ZNF235: variants seen among roughly 807,000 people sequenced by gnomAD.
The protein encoded by ZNF235 is zfp-93.
ZNF235 carries 25 observed loss-of-function variants against 29.4 expected under a neutral mutation model. That is an observed-to-expected ratio of 0.85 (90% CI 0.62 to 1.19). The LOEUF is 1.19. Among genes scored for constraint, ZNF235 ranks in the 50% most tolerant of loss-of-function variants. The pLI, the probability that ZNF235 is intolerant of heterozygous loss-of-function variation, is 0.00. For missense variants in ZNF235, 788 were observed against 885.0 expected, an observed-to-expected ratio of 0.89 and a Z score of 1.39; for synonymous variants, 300 against 295.3, an observed-to-expected ratio of 1.02 and a Z score of -0.16.
Position 44,286,881 on chromosome 19 carries a change from T to C in ZNF235, c.*337A>G. The C allele has an allele frequency of 4.8e-6, 1 of 208,512 alleles. No homozygotes were observed. The highest frequency in any genetic ancestry group is 5.2e-5 in the Admixed American group (1 of 19,244). The allele number at this position is 208,512 out of a possible 1,614,324, so 12.9% of individuals were successfully genotyped here. A position where few individuals can be genotyped will look rare whatever the true frequency, so the allele number is the denominator to read the frequency against. On this transcript the variant is annotated 3_prime_UTR_variant, in exon 5 of 5. Transcript: ENST00000291182. ...TTTTAGTTGACATCCATTTTTTCTG[T>C]CAATCATACTTTTGTTAAAGGAAGG...
At chr19:44,301,602 C>A (rs989230752) in intron 2 of ZNF235, among the ~76,000 whole-genome samples, 4 of 152,110 alleles carry the variant, frequency 2.6e-5, no homozygotes, top group Non-Finnish European at 5.9e-5. Flanking sequence ...ACATGAGTAG[C>A]TGGGCTTACA....
intron 2 of ZNF235, 110 bp from the exon 3 acceptor site, chr19:44,299,842 A>C: frequency 1.9e-6 from 3 of 1,546,522 alleles, no homozygotes; most frequent in Non-Finnish European, 1.8e-6. Flanking sequence ...CACACCAAAA[A>C]TGCTAGGGGG....
intron 2 of ZNF235, among the ~76,000 whole-genome samples, chr19:44,299,960 T>C (rs958834500): frequency 2.0e-5 from 3 of 152,236 alleles, no homozygotes; most frequent in Non-Finnish European, 4.4e-5. Context: ...ATTTGACTGA[T>C]AGCACCAAAT....
chr19:44,287,213 C>A lies in ZNF235; in HGVS notation c.*5G>T. 6.3e-7 allele frequency: 1 copy of A among 1,579,346 alleles called. No individual in the cohort carries two copies. The highest frequency in any genetic ancestry group is 8.6e-7 in the Non-Finnish European group (1 of 1,160,968). On this transcript the variant is annotated 3_prime_UTR_variant, in exon 5 of 5. Coordinates refer to ENST00000291182, the MANE Select transcript of ZNF235 (RefSeq NM_004234.4). ...TAACTGAAGGCTGAACCACACCTCT[C>A]ATTTCTACAGATTCCCTCCAGTGTG...
At chr19:44,299,574 C>T (rs1975704408) in intron 3 of ZNF235, 32 bp downstream of exon 3, 1 of 1,611,248 alleles carries the variant, frequency 6.2e-7, no homozygotes, top group Admixed American at 1.7e-5. Flanking sequence ...GTTGAGAAAC[C>T]CTGCTGAATT....
At position 44,287,146 on chromosome 19, in the gene ZNF235, T is replaced by C; in HGVS notation, c.*72A>G. 6.9e-7 allele frequency: 1 copy of C among 1,445,112 alleles called. No homozygotes were observed. Among genetic ancestry groups the C allele is most frequent in the Non-Finnish European group, 9.2e-7 (1 of 1,081,782 alleles). The allele number at this position is 1,445,112 out of a possible 1,614,324, so 89.5% of individuals were successfully genotyped here. ...CTAGTTTTAAAGGAACTTTTCACAA[T>C]CATCAGCATGGACTTCCCAACGGAG... On this transcript the variant is annotated 3_prime_UTR_variant, in exon 5 of 5. Coordinates refer to ENST00000291182, the MANE Select transcript of ZNF235 (RefSeq NM_004234.4).
rs750154878 is a variant in ZNF235, at chr19:44,288,882, T to C, written c.553A>G (p.Lys185Glu). The change falls in exon 5 of 5, where the codon AAA (lysine) becomes GAA (glutamate). Residue 185 changes from lysine to glutamate, a missense_variant. By Grantham distance (56) the Lys-to-Glu change is moderately conservative. Coordinates refer to ENST00000291182, the MANE Select transcript of ZNF235 (RefSeq NM_004234.4). Reference protein sequence around the residue: ...PTGKVPNSWSKIYLNETQNYQ... With the variant: ...PTGKVPNSWSEIYLNETQNYQ... ...TTCTGTGTCTCATTCAGATATATTTTACTCCAAGAATTCGGAACTTTCCCA... is the reference window on the plus strand; with the variant it reads ...TTCTGTGTCTCATTCAGATATATTTCACTCCAAGAATTCGGAACTTTCCCA... The C allele has an allele frequency of 2.5e-6, 4 of 1,614,040 alleles. No individual in the cohort carries two copies. The South Asian group carries it at 3.3e-5, about 13-fold the overall frequency.
chr19:44,296,234 T>C (rs1168804502), intron 4 of ZNF235, among the ~76,000 whole-genome samples: 1 of 152,166 alleles, frequency 6.6e-6, no homozygotes, highest in African/African-American at 2.4e-5. Context: ...AAGGGAAAGA[T>C]AAAACAGGAA....
At chr19:44,302,087 T>G (rs1975746274) in intron 2 of ZNF235, among the ~76,000 whole-genome samples, 1 of 152,224 alleles carries the variant, frequency 6.6e-6, no homozygotes, top group South Asian at 2.1e-4. Flanking sequence ...GAAACTAAAA[T>G]TACTTTCTCT....
chr19:44,299,148 C>T (rs1975696951), intron 3 of ZNF235, among the ~76,000 whole-genome samples: 1 of 152,126 alleles, frequency 6.6e-6, no homozygotes, highest in African/African-American at 2.4e-5. Flanking sequence ...TCATCACATC[C>T]CTTACGGCAA....
rs150495465 is a variant in ZNF235 at position 44,289,364 on chromosome 19, A to G, written c.239-168T>C. ...GAAAAGCAGCTGCAACCAAGAGAAC[A>G]CCAAATGTTTTAAAAAGCCATATTT... On this transcript the variant is annotated intron_variant, in intron 4 of 4. Coordinates refer to ENST00000291182, the MANE Select transcript of ZNF235 (RefSeq NM_004234.4). The G allele has an allele frequency of 3.4e-3, 2,089 of 611,984 alleles. 22 individuals carry two copies. In the African/African-American group the frequency reaches 0.034, roughly 10 times the overall value. 37.9% of individuals were successfully genotyped at this position (611,984 alleles called of 1,614,324 possible). A position where few individuals can be genotyped will look rare whatever the true frequency, so the allele number is the denominator to read the frequency against.
In ZNF235 at chr19:44,287,803, T is replaced by A; in HGVS notation, c.1632A>T (p.Lys544Asn). The change falls in exon 5 of 5, where the codon AAA becomes AAT. Residue 544 changes from lysine (K) to asparagine (N), a missense_variant. By Grantham distance (94) the Lys-to-Asn change is moderately conservative (BLOSUM62 0). Coordinates refer to ENST00000291182, the MANE Select transcript of ZNF235 (RefSeq NM_004234.4). Reference sequence around the variant, plus strand: ...TGAAGCGCTTCCCACACACTTCACATTTGTATGGTTTTTCTCCAGTGTGGA... The same window carrying A: ...TGAAGCGCTTCCCACACACTTCACAATTGTATGGTTTTTCTCCAGTGTGGA... ...QRVHTGEKPY[K>N]CEVCGKRFNW... 6.2e-7 allele frequency: 1 copy of A among 1,613,964 alleles called. No individual in the cohort carries two copies. The highest frequency in any genetic ancestry group is 2.2e-5 in the East Asian group (1 of 44,848).
chr19:44,303,569 G>A lies in ZNF235; in HGVS notation c.-48-117C>T. The stretch of plus-strand genomic sequence containing the variant: ...TCTCTAGGCAGACACAGTTGCACAC[G>A]GCTTAGTGAGGAGAACGGGAGCTAG... On this transcript the variant is annotated intron_variant, in intron 1 of 4. Coordinates refer to ENST00000291182, the MANE Select transcript of ZNF235 (RefSeq NM_004234.4). The A allele has an allele frequency of 3.6e-6, 3 of 822,402 alleles. No homozygotes were observed. In the South Asian group the frequency reaches 5.6e-5, roughly 15 times the overall value. The allele number at this position is 822,402 out of a possible 1,614,324, so 50.9% of individuals were successfully genotyped here.
chr19:44,303,474 T>A (rs759324358), intron 1 of ZNF235, 22 bp from the exon 2 acceptor site: 1 of 1,586,426 alleles, frequency 6.3e-7, no homozygotes, highest in African/African-American at 1.3e-5. Context: ...AAAGGCATCA[T>A]GAGATAGGTT....
In ZNF235 at chr19:44,287,737, G is replaced by A. The variant is rs141530220; in HGVS notation, c.1698C>T (p.Thr566=). The change falls in exon 5 of 5, where the codon ACC becomes ACT. Residue 566 remains threonine, a synonymous_variant. Transcript: ENST00000291182. ...LNLHNHQRVH[T]GEKPYKCEEC... is the part of the protein sequence containing the mutation. Reference sequence around the variant, plus strand: ...CTTCACATTTGTAGGGTTTCTCTCCGGTGTGGACTCTCTGATGATTGTGAA... The same window carrying A: ...CTTCACATTTGTAGGGTTTCTCTCCAGTGTGGACTCTCTGATGATTGTGAA... 51 of 1,611,688 alleles carry A rather than the reference G, an allele frequency of 3.2e-5. No homozygotes were observed. The highest frequency in any genetic ancestry group is 3.3e-4 in the Middle Eastern group (2 of 6,038).
intron 4 of ZNF235, among the ~76,000 whole-genome samples, chr19:44,294,700 C>T (rs1287120491): frequency 6.6e-6 from 1 of 151,086 alleles, no homozygotes; most frequent in East Asian, 1.9e-4. Flanking sequence ...ACAAAACCCC[C>T]CAAACCAAAT....
At chr19:44,303,691 T>C (rs1599895722) in intron 1 of ZNF235, among the ~76,000 whole-genome samples, 1 of 152,290 alleles carries the variant, frequency 6.6e-6, no homozygotes, top group South Asian at 2.1e-4. Flanking sequence ...TGTGTACTCC[T>C]TCTGAACTTT....
rs764338145 is a variant in ZNF235, at chr19:44,288,269, TCTGTG to T, written c.1161_1165del (p.Ser387ArgfsTer3). 28 of 1,614,034 alleles carry T rather than the reference TCTGTG, an allele frequency of 1.7e-5. No homozygotes were observed. Among genetic ancestry groups the T allele is most frequent in the Non-Finnish European group, 2.1e-5 (25 of 1,180,048 alleles). ...GTGAACTCTGCAATGAATGTTAAGA[TCTGTG>T]CTACGACTGAAGCCCTTCCCACAAC... is the stretch of plus-strand genomic sequence containing the variant. On this transcript the variant is annotated frameshift_variant, in exon 5 of 5. Coordinates refer to ENST00000291182, the MANE Select transcript of ZNF235 (RefSeq NM_004234.4). LOFTEE classifies it high-confidence loss of function.
chr19:44,289,155 C>G lies in ZNF235; in HGVS notation c.280G>C (p.Gly94Arg). The change falls in exon 5 of 5, where the codon GGA (glycine) becomes CGA (arginine). Residue 94 changes from glycine to arginine, a missense_variant. By Grantham distance (125) the Gly-to-Arg change is moderately radical (BLOSUM62 -2). Coordinates refer to ENST00000291182, the MANE Select transcript of ZNF235 (RefSeq NM_004234.4). ...TCTCCCAGTGAAAAGCACCTTAATCCTGCTTTGTGAAGAGTTGCCATCTCA... is the reference window on the plus strand; with the variant it reads ...TCTCCCAGTGAAAAGCACCTTAATCGTGCTTTGTGAAGAGTTGCCATCTCA... ...QNEMATLHKA[G>R]LRCFSLGELS... is the part of the protein sequence containing the mutation. The G allele has an allele frequency of 1.2e-6, 2 of 1,613,880 alleles. No individual in the cohort carries two copies. The highest frequency in any genetic ancestry group is 2.2e-5 in the East Asian group (1 of 44,876).
Sources: gnomAD v4.1 joint callset for allele counts (sites outside exome capture counted in the v4.1 genomes callset) on GRCh38, gnomAD v4.1.1 for gene constraint, MANE v1.5 for transcripts, NCBI Gene and HGNC (gene_info 2026-07-23, HGNC 2026-07-21) for gene names.